GEMIN5: variants seen among roughly 807,000 people sequenced by gnomAD.
The protein encoded by GEMIN5 is gem-associated protein 5.
A neutral mutation model predicts 176.9 loss-of-function variants in GEMIN5; 124 were observed. That is an observed-to-expected ratio of 0.70 (90% CI 0.61 to 0.81). The LOEUF (loss-of-function observed/expected upper bound fraction) is 0.81. GEMIN5 is among the 40% of genes least tolerant of loss of function. GEMIN5 has a pLI of 0.00. For synonymous variants in GEMIN5, 673 were observed against 665.2 expected, an observed-to-expected ratio of 1.01 and a Z score of -0.18; for missense variants, 1,843 against 1,814.6, an observed-to-expected ratio of 1.02 and a Z score of -0.28.
chr5:154,922,825 T>C (rs1486781452), intron 9 of GEMIN5, among the ~76,000 whole-genome samples: 1 of 148,358 alleles, frequency 6.7e-6, no homozygotes, highest in African/African-American at 2.5e-5. Flanking sequence ...GCCTCCCGAG[T>C]AGCTGAGAAT....
At chr5:154,892,940 C>A (rs774092471) in intron 24 of GEMIN5, among the ~76,000 whole-genome samples, 2 of 151,876 alleles carry the variant, frequency 1.3e-5, no homozygotes, top group Non-Finnish European at 2.9e-5. Flanking sequence ...CTACTAAAAA[C>A]ACAAAAATTA....
chr5:154,925,841 G>A lies in GEMIN5; in HGVS notation c.1293+21C>T, dbSNP rs777199663. The A allele has an allele frequency of 2.8e-6, 4 of 1,431,902 alleles. 1 individual carries two copies. The South Asian group carries it at 4.8e-5, about 17-fold the overall frequency. 88.7% of individuals were successfully genotyped at this position (1,431,902 alleles called of 1,614,324 possible). On this transcript the variant is annotated intron_variant, in intron 8 of 27. Transcript: ENST00000285873. Reference sequence around the variant, plus strand: ...TTGGAAAAAAAAAAGTTCAAAACAAGCTCAAAAAAAGAATCCTTACCGCTG... The same window carrying A: ...TTGGAAAAAAAAAAGTTCAAAACAAACTCAAAAAAAGAATCCTTACCGCTG...
chr5:154,901,674 T>C (rs1291466383), intron 20 of GEMIN5, among the ~76,000 whole-genome samples, 188 bp from the exon 21 acceptor site: 3 of 152,224 alleles, frequency 2.0e-5, no homozygotes, highest in Non-Finnish European at 4.4e-5. Flanking sequence ...TGTTTGATTA[T>C]GTAACACAAA....
rs35707071 is a variant in GEMIN5 at position 154,891,455 on chromosome 5, C to T, written c.4048G>A (p.Glu1350Lys). 731 of 1,614,164 alleles carry T rather than the reference C, an allele frequency of 4.5e-4. 1 individual carries two copies. The African/African-American group carries it at 8.8e-3, about 19-fold the overall frequency. The stretch of plus-strand genomic sequence containing the variant: ...TCCTTAAAAGTACTCAGCATTCGCT[C>T]ACCTTCTTCTGTGAGTCTCAAGTCT... The part of the protein sequence containing the change: ...ELDLRLTEEG[E>K]RMLSTFKELF... The change falls in exon 26 of 28, where the codon GAG becomes AAG. Residue 1350 changes from glutamate (E) to lysine (K), a missense_variant. Glu to Lys is a moderately conservative substitution (Grantham distance 56, BLOSUM62 1). Coordinates refer to ENST00000285873, the MANE Select transcript of GEMIN5 (RefSeq NM_015465.5).
At chr5:154,933,612 G>T (rs1452507065) in intron 3 of GEMIN5, among the ~76,000 whole-genome samples, 1 of 152,134 alleles carries the variant, frequency 6.6e-6, no homozygotes, top group East Asian at 1.9e-4. Context: ...ATTATACAAA[G>T]TGGCTGTACC....
rs761665543 is a variant in GEMIN5, at chr5:154,888,270, G to T, written c.4467C>A (p.Leu1489=). The change falls in exon 28 of 28, where the codon CTC becomes CTA. Residue 1489 remains leucine (L), a synonymous_variant. Transcript: ENST00000285873. The part of the protein sequence containing the change: ...AQEMQQQAQE[L]LQKYGNTKTY... ...TTTTCGTGTTGCCGTATTTCTGAAG[G>T]AGCTCTTGGGCCTGCTGCTGCATTT... 1 of 1,614,162 alleles carries T rather than the reference G, an allele frequency of 6.2e-7. No homozygotes were observed. Among genetic ancestry groups the T allele is most frequent in the East Asian group, 2.2e-5 (1 of 44,886 alleles).
chr5:154,932,815 T>C (rs1162245438), intron 3 of GEMIN5, among the ~76,000 whole-genome samples: 2 of 152,140 alleles, frequency 1.3e-5, no homozygotes, highest in African/African-American at 2.4e-5. Flanking sequence ...TCTACCTGCG[T>C]TGGCCTCCTA....
chr5:154,908,528 G>GTACAT (rs1342547200), intron 15 of GEMIN5, among the ~76,000 whole-genome samples: 1 of 152,146 alleles, frequency 6.6e-6, no homozygotes, highest in East Asian at 1.9e-4. Flanking sequence ...GGATCACATG[G>GTACAT]TACATTTGGT....
intron 1 of GEMIN5, 115 bp downstream of exon 1, chr5:154,937,853 C>T (rs920497689): frequency 7.4e-6 from 7 of 942,358 alleles, no homozygotes; most frequent in Non-Finnish European, 1.0e-5. Context: ...TGCCTCTCCT[C>T]CCAGCCTGGG....
At position 154,937,961 on chromosome 5, in the gene GEMIN5, G is replaced by C; in HGVS notation, c.166+7C>G. On this transcript the variant is annotated splice_region_variant and intron_variant, in intron 1 of 27. Coordinates refer to ENST00000285873, the MANE Select transcript of GEMIN5 (RefSeq NM_015465.5). Reference sequence around the variant, plus strand: ...AGTAAGTCTCGGGCCCAAGGGTGGTGAGTTACCTCGAAACGGGGGTGTCCC... The same window carrying C: ...AGTAAGTCTCGGGCCCAAGGGTGGTCAGTTACCTCGAAACGGGGGTGTCCC... 1 of 1,569,472 alleles carries C rather than the reference G, an allele frequency of 6.4e-7. No individual in the cohort carries two copies. Among genetic ancestry groups the C allele is most frequent in the Non-Finnish European group, 8.6e-7 (1 of 1,160,298 alleles).
At chr5:154,894,341 T>C (rs1763301861) in intron 24 of GEMIN5, among the ~76,000 whole-genome samples, 3 of 152,204 alleles carry the variant, frequency 2.0e-5, no homozygotes, top group Admixed American at 6.6e-5. Flanking sequence ...TGTTTCTAGT[T>C]TTTGGCTACT....
At chr5:154,936,957 G>T in intron 2 of GEMIN5, 68 bp downstream of exon 2, 2 of 1,256,448 alleles carry the variant, frequency 1.6e-6, no homozygotes, top group Non-Finnish European at 2.2e-6. Flanking sequence ...AGCAAAACTA[G>T]CTTGCAACAG....
intron 15 of GEMIN5, among the ~76,000 whole-genome samples, chr5:154,909,388 A>G (rs1424165739): frequency 6.6e-6 from 1 of 151,944 alleles, no homozygotes; most frequent in Non-Finnish European, 1.5e-5. Context: ...TATTTATTAT[A>G]TCGGTCTGGA....
intron 13 of GEMIN5, among the ~76,000 whole-genome samples, chr5:154,914,762 T>C (rs574109162): frequency 1.6e-4 from 25 of 152,306 alleles, no homozygotes; most frequent in Non-Finnish European, 3.2e-4. Flanking sequence ...TTTGTTTAAA[T>C]TGACAAATAA....
chr5:154,920,019 C>T lies in GEMIN5; in HGVS notation c.1547G>A (p.Ser516Asn), dbSNP rs1489830539. ...TTTGTTGATGTCAAAGGCTTCTCCA[C>T]TAAGCTTCCAGGGATTATGCTGTAA... Reference protein sequence around the residue: ...IVLQHNPWKLSGEAFDINKLI... With the variant: ...IVLQHNPWKLNGEAFDINKLI... The change falls in exon 11 of 28, where the codon AGT becomes AAT. Residue 516 changes from serine (S) to asparagine (N), a missense_variant. Coordinates refer to ENST00000285873, the MANE Select transcript of GEMIN5 (RefSeq NM_015465.5). 6.2e-7 allele frequency: 1 copy of T among 1,613,728 alleles called. No individual in the cohort carries two copies. Among genetic ancestry groups the T allele is most frequent in the Non-Finnish European group, 8.5e-7 (1 of 1,179,710 alleles).
Position 154,892,564 on chromosome 5 carries a change from CAG to C in GEMIN5, c.3598-17_3598-16del. The C allele has an allele frequency of 6.2e-7, 1 of 1,611,878 alleles. No homozygotes were observed. Among genetic ancestry groups the C allele is most frequent in the Non-Finnish European group, 8.5e-7 (1 of 1,178,608 alleles). On this transcript the variant is annotated splice_polypyrimidine_tract_variant and intron_variant, in intron 24 of 27. Transcript: ENST00000285873. ...TGAAGCAGGAGCTGGAGAGAGAAGC[CAG>C]AGTCTGAGTTAAACATCCTCCCACG...
chr5:154,895,983 T>C, intron 24 of GEMIN5, 109 bp downstream of exon 24: 2 of 1,333,916 alleles, frequency 1.5e-6, no homozygotes, highest in South Asian at 2.7e-5. Context: ...CCTTAGCCTT[T>C]TCTGAAACAC....
intron 2 of GEMIN5, 71 bp from the exon 3 acceptor site, chr5:154,936,093 ACCAGCATAAT>A (rs1288287386): frequency 1.0e-6 from 1 of 957,908 alleles, no homozygotes; most frequent in Non-Finnish European, 1.6e-6. Context: ...TGTATCACAA[ACCAGCATAAT>A]GCTACATATA....
At position 154,921,488 on chromosome 5, in the gene GEMIN5, G is replaced by A. The variant is rs911628594; in HGVS notation, c.1380-63C>T. On this transcript the variant is annotated intron_variant, in intron 9 of 27. Coordinates refer to ENST00000285873, the MANE Select transcript of GEMIN5 (RefSeq NM_015465.5). ...AAACAAAAAGGCATAATGAAAAACAGACCATCTTTTTCTAAAAGGTCCCCA... is the reference window on the plus strand; with the variant it reads ...AAACAAAAAGGCATAATGAAAAACAAACCATCTTTTTCTAAAAGGTCCCCA... The A allele has an allele frequency of 4.0e-6, 3 of 750,384 alleles. No individual in the cohort carries two copies. The African/African-American group carries it at 5.5e-5, about 14-fold the overall frequency. 46.5% of individuals were successfully genotyped at this position (750,384 alleles called of 1,614,324 possible).
Sources: allele counts gnomAD v4.1 joint callset (sites outside exome capture counted in the v4.1 genomes callset), GRCh38; gene constraint gnomAD v4.1.1; transcripts MANE v1.5; gene names NCBI Gene and HGNC (gene_info 2026-07-23, HGNC 2026-07-21).